The following TERT variants were observed in gnomAD, a reference collection of about 807,000 sequenced individuals.
TERT encodes telomerase reverse transcriptase.
A neutral mutation model predicts 104.0 loss-of-function variants in TERT; 42 were observed. The observed-to-expected ratio is 0.40, with a 90% CI of 0.32 to 0.52. The LOEUF is 0.52. TERT is among the 20% of genes least tolerant of loss of function. TERT has a pLI of 0.43. For missense variants in TERT, 1,101 were observed against 1,610.3 expected (o/e 0.68, Z 5.41); for synonymous variants, 781 against 725.6 (o/e 1.08, Z -1.23).
rs111398041 is a variant in TERT, at chr5:1,259,397, G to A, written c.2971-738C>T. On this transcript the variant is annotated intron_variant, in intron 12 of 15. Transcript: ENST00000310581. ...TGCCCACAGGAGAGGGAGTGGATGC[G>A]GACGCCCACAGGAGGGGGGAGTGGA... Among the ~76,000 whole-genome samples, 537 of 106,138 alleles carry A rather than the reference G, an allele frequency of 5.1e-3. 9 individuals are homozygous for A. The highest frequency in any genetic ancestry group is 0.014 in the African/African-American group (371 of 26,636). 69.6% of individuals were successfully genotyped at this position (106,138 alleles called of 152,430 possible).
At chr5:1,291,477 G>A (rs111793040) in intron 2 of TERT, among the ~76,000 whole-genome samples, 668 of 3,664 alleles carry the variant, frequency 0.18, 17 homozygotes, top group African/African-American at 0.21. Context: ...ACCCGGGGAC[G>A]GCGCCTCACT....
rs892643371 is a variant in TERT at position 1,265,850 on chromosome 5, C to T, written c.2654+614G>A. On this transcript the variant is annotated intron_variant, in intron 10 of 15. Coordinates refer to ENST00000310581, the MANE Select transcript of TERT (RefSeq NM_198253.3). The surrounding 1 kb of genome is among the most constrained non-coding windows in gnomAD (Gnocchi z 6.9). ...TGTGGGGCGCCCTTGAGGGGGACCA[C>T]ATTGGACAATCCCCTGTGCTGAGGC... Among the ~76,000 whole-genome samples, 1 of 152,206 alleles carries T rather than the reference C, an allele frequency of 6.6e-6. No individual in the cohort carries two copies. The highest frequency in any genetic ancestry group is 2.4e-5 in the African/African-American group (1 of 41,440).
rs1404394968 is a variant in TERT, at chr5:1,262,243, G to A, written c.2844-1643C>T. Among the ~76,000 whole-genome samples the A allele has an allele frequency of 6.6e-6, 1 of 151,984 alleles. No individual in the cohort carries two copies. Among genetic ancestry groups the A allele is most frequent in the Non-Finnish European group, 1.5e-5 (1 of 67,992 alleles). On this transcript the variant is annotated intron_variant, in intron 11 of 15. Transcript: ENST00000310581. This position sits in a 1 kb window ranked among gnomAD's most constrained non-coding sequence, Gnocchi z 5.6. The stretch of plus-strand genomic sequence containing the variant: ...GACACAACTTATTTGCTTCCAGTCA[G>A]TTTTCTCAGAAAAAAAAATTACACA...
In TERT at chr5:1,254,482, C is replaced by T. The variant is rs1418488828; in HGVS notation, c.3181G>A (p.Ala1061Thr). ...NAGMSLGAKG[A>T]AGPLPSEAVQ... is the part of the protein sequence containing the mutation. ...GCCTCGGAGGGCAGAGGGCCGGCGG[C>T]GCCCTTGGCCCCCAGCGACATCCCT... The change falls in exon 15 of 16, where the codon GCC becomes ACC. Residue 1061 changes from alanine to threonine, a missense_variant. Transcript: ENST00000310581. 4 of 1,612,544 alleles carry T rather than the reference C, an allele frequency of 2.5e-6. No individual in the cohort carries two copies. The highest frequency in any genetic ancestry group is 3.4e-6 in the Non-Finnish European group (4 of 1,179,824).
rs571575875 is a variant in TERT, at chr5:1,263,473, G to A, written c.2843+931C>T. ...GGCTGGAGTGCAGTGGTGTGATCTC[G>A]GCTCACTGCAACCTCTGCCTCCTGG... On this transcript the variant is annotated intron_variant, in intron 11 of 15. Coordinates refer to ENST00000310581, the MANE Select transcript of TERT (RefSeq NM_198253.3). The surrounding 1 kb of genome is among the most constrained non-coding windows in gnomAD (Gnocchi z 5.3). 7.9e-5 allele frequency among the ~76,000 whole-genome samples: 12 copies of A among 151,168 alleles called. No individual in the cohort carries two copies. The highest frequency in any genetic ancestry group is 2.1e-4 in the South Asian group (1 of 4,788).
At chr5:1,277,211 G>A (rs899779314) in intron 6 of TERT, among the ~76,000 whole-genome samples, 2 of 152,154 alleles carry the variant, frequency 1.3e-5, no homozygotes, top group Non-Finnish European at 2.9e-5. Context: ...GCCAGCCGGG[G>A]TGTCACTGTC....
chr5:1,274,483 C>T lies in TERT; in HGVS notation c.2287-2203G>A, dbSNP rs764220588. 1.3e-5 allele frequency among the ~76,000 whole-genome samples: 2 copies of T among 152,256 alleles called. No homozygotes were observed. The highest frequency in any genetic ancestry group is 2.9e-5 in the Non-Finnish European group (2 of 68,044). On this transcript the variant is annotated intron_variant, in intron 6 of 15. Coordinates refer to ENST00000310581, the MANE Select transcript of TERT (RefSeq NM_198253.3). This position sits in a 1 kb window ranked among gnomAD's most constrained non-coding sequence, Gnocchi z 5.3. ...GGTTTCGTGGAAGACGATTTTTCCA[C>T]AGGACAGCAGTGGGGAAGGGGATGG...
At chr5:1,293,224 G>C in intron 2 of TERT, 89 bp downstream of exon 2, 3 of 1,532,254 alleles carry the variant, frequency 2.0e-6, no homozygotes, top group Non-Finnish European at 2.7e-6. Context: ...ATGGAGACAG[G>C]AGGACCAGGG....
At chr5:1,272,069 A>T in intron 7 of TERT, 116 bp downstream of exon 7, 1 of 915,858 alleles carries the variant, frequency 1.1e-6, no homozygotes, top group Non-Finnish European at 1.8e-6. Context: ...ATCACAGCTC[A>T]TTCCCCCCAC....
Position 1,255,564 on chromosome 5 carries a change from A to G in TERT, c.3033-153T>C, listed in dbSNP as rs2126563680. 6.6e-6 allele frequency among the ~76,000 whole-genome samples: 1 copy of G among 152,318 alleles called. No homozygotes were observed. The highest frequency in any genetic ancestry group is 1.9e-4 in the East Asian group (1 of 5,170). On this transcript the variant is annotated intron_variant, in intron 13 of 15. Transcript: ENST00000310581. The surrounding 1 kb of genome is among the most constrained non-coding windows in gnomAD (Gnocchi z 6.9). ...CAGGTGCACACACACGGATGCATGCATGCATGTCTGTGTGTGTGCTTGTGT... is the reference window on the plus strand; with the variant it reads ...CAGGTGCACACACACGGATGCATGCGTGCATGTCTGTGTGTGTGCTTGTGT...
chr5:1,264,333 G>T, intron 11 of TERT, 71 bp downstream of exon 11: 1 of 1,492,574 alleles, frequency 6.7e-7, no homozygotes, highest in South Asian at 1.2e-5. Context: ...AAGCAGAGGT[G>T]GACGCAACGG....
rs1443812741 is a variant in TERT, at chr5:1,270,181, C to T, written c.2468+938G>A. Among the ~76,000 whole-genome samples the T allele has an allele frequency of 6.6e-6, 1 of 152,198 alleles. No individual in the cohort carries two copies. Among genetic ancestry groups the T allele is most frequent in the Non-Finnish European group, 1.5e-5 (1 of 68,042 alleles). ...GTGTTTTTCCAGAACGTGTGTACTA[C>T]TTAATATTTCTAATTATACTTTAAT... On this transcript the variant is annotated intron_variant, in intron 8 of 15. Coordinates refer to ENST00000310581, the MANE Select transcript of TERT (RefSeq NM_198253.3). The surrounding 1 kb of genome is among the most constrained non-coding windows in gnomAD (Gnocchi z 8.3).
At chr5:1,272,322 C>T (rs985284636) in intron 6 of TERT, 42 bp from the exon 7 acceptor site, 7 of 1,534,182 alleles carry the variant, frequency 4.6e-6, no homozygotes, top group Non-Finnish European at 6.3e-6. Flanking sequence ...ATGTGGCCTG[C>T]CCCGGCCAGA....
intron 6 of TERT, among the ~76,000 whole-genome samples, chr5:1,275,592 A>T (rs1399685598): frequency 6.6e-6 from 1 of 151,984 alleles, no homozygotes; most frequent in Non-Finnish European, 1.5e-5. Context: ...CACACCCCTG[A>T]CTTACTATAA....
Position 1,294,341 on chromosome 5 carries a change from G to C in TERT, c.545C>G (p.Thr182Ser), listed in dbSNP as rs1001681226. The change falls in exon 2 of 16, where the codon ACT becomes AGT. Residue 182 changes from threonine to serine, a missense_variant. Physicochemically the swap from Thr to Ser is moderately conservative, Grantham distance 58. This residue lies in a region of TERT where 504 missense variants were observed against 544.6 expected (regional missense o/e 0.93). Transcript: ENST00000310581. ...AGCGTGTGGCGGGGGCCGGGCCTGA[G>C]TGGCAGCGCCGAGCTGGTACAGCGG... Reference protein sequence around the residue: ...GPPLYQLGAATQARPPPHASG... With the variant: ...GPPLYQLGAASQARPPPHASG... The C allele has an allele frequency of 7.6e-6, 12 of 1,578,250 alleles. No homozygotes were observed. The highest frequency in any genetic ancestry group is 1.3e-5 in the African/African-American group (1 of 74,454).
At chr5:1,282,742 A>AGACC in intron 2 of TERT, 118 bp from the exon 3 acceptor site, 1 of 952,966 alleles carries the variant, frequency 1.0e-6, no homozygotes, top group South Asian at 1.4e-5. Context: ...ACCTCACCCC[A>AGACC]GACCTGCACC....
chr5:1,271,058 A>T, intron 8 of TERT, 61 bp downstream of exon 8: 1 of 1,358,650 alleles, frequency 7.4e-7, no homozygotes, highest in Non-Finnish European at 1.0e-6. Context: ...AGAGGTGAGC[A>T]GAAGCCCTGC....
intron 3 of TERT, among the ~76,000 whole-genome samples, chr5:1,282,055 T>G (rs961180958): frequency 2.1e-4 from 32 of 151,180 alleles, no homozygotes; most frequent in African/African-American, 7.1e-4. Flanking sequence ...GCCACTGCAC[T>G]CCAGCCTGGG....
chr5:1,273,504 G>A (rs865894394), intron 6 of TERT, among the ~76,000 whole-genome samples: 1 of 14,478 alleles, frequency 6.9e-5, no homozygotes, highest in Non-Finnish European at 1.2e-4. Flanking sequence ...GGGACCAACC[G>A]CCATCCACAG....
Sources: allele counts gnomAD v4.1 joint callset (sites outside exome capture counted in the v4.1 genomes callset), GRCh38; gene constraint gnomAD v4.1.1; regional missense constraint gnomAD v4.1.1; non-coding constraint Gnocchi (gnomAD v3.1); transcripts MANE v1.5; gene names NCBI Gene and HGNC (gene_info 2026-07-23, HGNC 2026-07-21).